The following FOXN4 variants were observed in gnomAD, a reference collection of about 807,000 sequenced individuals.
The protein encoded by FOXN4 is forkhead box protein N4.
Under a neutral mutation model 45.0 loss-of-function variants are expected in FOXN4, and 12 were observed. That is an observed-to-expected ratio of 0.27 (90% CI 0.17 to 0.43). The LOEUF (loss-of-function observed/expected upper bound fraction) is 0.43, where lower values mean the gene tolerates loss of function less well. Ranked by LOEUF, FOXN4 falls within the 20% of genes least tolerant of loss-of-function variation. FOXN4 has a pLI of 1.00. For synonymous variants in FOXN4, 297 were observed against 295.0 expected, an observed-to-expected ratio of 1.01 and a Z score of -0.07; for missense variants, 560 against 694.9, an observed-to-expected ratio of 0.81 and a Z score of 2.18.
At position 109,288,044 on chromosome 12, in the gene FOXN4, A is replaced by G; in HGVS notation, c.357+12T>C. The G allele has an allele frequency of 2.6e-6, 4 of 1,550,430 alleles. No individual in the cohort carries two copies. Among genetic ancestry groups the G allele is most frequent in the Non-Finnish European group, 3.5e-6 (4 of 1,146,760 alleles). ...ACTACCCGCCCTCCGCAGTCCATGC[A>G]GTGCCACTTACGCTGTCTCTGTGGC... On this transcript the variant is annotated intron_variant, in intron 4 of 9. Transcript: ENST00000299162. The surrounding 1 kb of genome is among the most constrained non-coding windows in gnomAD (Gnocchi z 4.3).
In FOXN4 at chr12:109,280,017, C is replaced by T. The variant is rs939780707; in HGVS notation, c.1295-87G>A. The stretch of plus-strand genomic sequence containing the variant: ...CCCCATCTTAGGGAAGAGGCAGAGA[C>T]CATGTGTGGTGTCTAAGTCATGTGT... On this transcript the variant is annotated intron_variant, in intron 9 of 9. Coordinates refer to ENST00000299162, the MANE Select transcript of FOXN4 (RefSeq NM_213596.3). 2.1e-5 allele frequency: 33 copies of T among 1,557,062 alleles called. 1 individual carries two copies. The South Asian group carries it at 3.9e-4, about 18-fold the overall frequency.
Position 109,290,293 on chromosome 12 carries a change from A to G in FOXN4, c.87-7T>C. The G allele has an allele frequency of 6.5e-7, 1 of 1,539,930 alleles. No individual in the cohort carries two copies. Among genetic ancestry groups the G allele is most frequent in the Non-Finnish European group, 8.8e-7 (1 of 1,139,496 alleles). On this transcript the variant is annotated splice_polypyrimidine_tract_variant and splice_region_variant and intron_variant, in intron 2 of 9. Transcript: ENST00000299162. This position sits in a 1 kb window ranked among gnomAD's most constrained non-coding sequence, Gnocchi z 5.1. The stretch of plus-strand genomic sequence containing the variant: ...GCTGGTGGTGGCTAGAAGCCTGCAA[A>G]GAGGAACAGAGAACTCGGGCGGGAG...
At chr12:109,285,567 G>A (rs557361505) in intron 7 of FOXN4, 56 bp from the exon 8 acceptor site, 12 of 1,592,086 alleles carry the variant, frequency 7.5e-6, no homozygotes, top group African/African-American at 1.3e-5. Context: ...CCCCTACCCC[G>A]GGGATCTCCT....
chr12:109,299,183 C>T (rs532314320), intron 2 of FOXN4, among the ~76,000 whole-genome samples: 6 of 152,264 alleles, frequency 3.9e-5, no homozygotes, highest in Admixed American at 6.5e-5. Flanking sequence ...CTATCTGGTG[C>T]TCCAGAGTCT....
At chr12:109,307,886 G>A (rs2047935791) in intron 2 of FOXN4, among the ~76,000 whole-genome samples, 2 of 152,016 alleles carry the variant, frequency 1.3e-5, no homozygotes, top group African/African-American at 4.8e-5. Context: ...TTTTTGGCAG[G>A]GGGTGGGGGA....
At chr12:109,299,653 C>T (rs1463402644) in intron 2 of FOXN4, among the ~76,000 whole-genome samples, 1 of 152,214 alleles carries the variant, frequency 6.6e-6, no homozygotes, top group Non-Finnish European at 1.5e-5. Flanking sequence ...AGGGTTGGGT[C>T]CCCTTTTGAA....
intron 1 of FOXN4, 72 bp from the exon 2 acceptor site, chr12:109,308,396 T>C (rs1289043007): frequency 1.9e-6 from 2 of 1,027,586 alleles, no homozygotes; most frequent in Non-Finnish European, 2.8e-6. Context: ...CCCACAGTTT[T>C]CCCGCAATTC....
At chr12:109,280,380 A>G (rs1483686409) in intron 9 of FOXN4, among the ~76,000 whole-genome samples, 1 of 148,500 alleles carries the variant, frequency 6.7e-6, no homozygotes, top group Non-Finnish European at 1.5e-5. Context: ...TGGAAGGGCC[A>G]GAGTCGCAGC....
At chr12:109,295,331 G>C (rs1236626491) in intron 2 of FOXN4, among the ~76,000 whole-genome samples, 3 of 152,220 alleles carry the variant, frequency 2.0e-5, no homozygotes, top group Non-Finnish European at 2.9e-5. Context: ...ACTGCCCTGG[G>C]CTCTCCTCCC....
rs2047738344 is a variant in FOXN4, at chr12:109,288,638, G to T, written c.233-458C>A. Reference sequence around the variant, plus strand: ...CTAGGTTTAGGTCCAAAGTACCTTTGTGCCTCCTCTCCCCTTTGCCAAGCC... The same window carrying T: ...CTAGGTTTAGGTCCAAAGTACCTTTTTGCCTCCTCTCCCCTTTGCCAAGCC... On this transcript the variant is annotated intron_variant, in intron 3 of 9. Coordinates refer to ENST00000299162, the MANE Select transcript of FOXN4 (RefSeq NM_213596.3). The surrounding 1 kb of genome is among the most constrained non-coding windows in gnomAD (Gnocchi z 4.3). Among the ~76,000 whole-genome samples the T allele has an allele frequency of 6.6e-6, 1 of 152,146 alleles. No homozygotes were observed. Among genetic ancestry groups the T allele is most frequent in the Non-Finnish European group, 1.5e-5 (1 of 68,040 alleles).
intron 8 of FOXN4, among the ~76,000 whole-genome samples, 173 bp downstream of exon 8, chr12:109,285,131 C>CGTGTGCGTGTATTTGTGT (rs1341931120): frequency 4.4e-5 from 6 of 137,784 alleles, no homozygotes; most frequent in East Asian, 4.5e-4. Flanking sequence ...CTTCTGTGTG[C>CGTGTGCGTGTATTTGTGT]GTGTGCGTGT....
intron 8 of FOXN4, 165 bp downstream of exon 8, chr12:109,285,139 T>C (rs2047694360): frequency 3.5e-6 from 1 of 289,584 alleles, no homozygotes; most frequent in African/African-American, 2.3e-5. Context: ...TGCGTGTGCG[T>C]GTATTTGTGT....
rs779861244 is a variant in FOXN4, at chr12:109,285,408, C to T, written c.797G>A (p.Cys266Tyr). 5.6e-6 allele frequency: 9 copies of T among 1,613,934 alleles called. No individual in the cohort carries two copies. The Admixed American group carries it at 1.3e-4, about 24-fold the overall frequency. ...GCGGGCCAGGTTCAGAGCCCACAGG[C>T]AGCCCTTGCGGGAGGAGCCGCTCAT... ...NKMSGSSRKGCLWALNLARID... is the reference protein window; with the variant it reads ...NKMSGSSRKGYLWALNLARID... Residue 266 changes from cysteine (C) to tyrosine (Y), a missense_variant, in exon 8 of 10, where the codon TGC becomes TAC. Around this residue, in one of 5 missense-constraint regions of FOXN4, gnomAD observed 315 missense variants for 350.5 expected, o/e 0.90. Transcript: ENST00000299162.
At chr12:109,285,055 G>A (rs778962897) in intron 8 of FOXN4, among the ~76,000 whole-genome samples, 6 of 149,764 alleles carry the variant, frequency 4.0e-5, no homozygotes, top group Non-Finnish European at 5.9e-5. Flanking sequence ...GTGTGTGCGC[G>A]CATGTGTGCA....
At position 109,287,640 on chromosome 12, in the gene FOXN4, G is replaced by A. The variant is rs1283630117; in HGVS notation, c.469-116C>T. 4.5e-6 allele frequency: 6 copies of A among 1,346,638 alleles called. No homozygotes were observed. The highest frequency in any genetic ancestry group is 4.0e-6 in the Non-Finnish European group (4 of 1,006,414). The allele number at this position is 1,346,638 out of a possible 1,614,324, so 83.4% of individuals were successfully genotyped here. ...CCAGTTTCAAAACACCTTGTGTGGG[G>A]ATTCACAACCGTCCAGGAAACAATC... On this transcript the variant is annotated intron_variant, in intron 5 of 9. Coordinates refer to ENST00000299162, the MANE Select transcript of FOXN4 (RefSeq NM_213596.3). This position sits in a 1 kb window ranked among gnomAD's most constrained non-coding sequence, Gnocchi z 4.1.
rs140640759 is a variant in FOXN4 at position 109,309,181 on chromosome 12, G to A, written c.-66C>T. ...TCCGGGGGTGGGCAGGGGTTCCGGA[G>A]GGGGGCTCCCTCGCGCTCGCCCCTC... On this transcript the variant is annotated 5_prime_UTR_variant, in exon 1 of 10. Transcript: ENST00000299162. This position sits in a 1 kb window ranked among gnomAD's most constrained non-coding sequence, Gnocchi z 5.0. The A allele has an allele frequency of 5.1e-3, 772 of 152,472 alleles. 10 individuals carry two copies. Among genetic ancestry groups the A allele is most frequent in the South Asian group, 0.018 (87 of 4,832 alleles). The allele number at this position is 152,472 out of a possible 1,614,324, so 9.4% of individuals were successfully genotyped here.
At chr12:109,295,850 C>T (rs1185303895) in intron 2 of FOXN4, among the ~76,000 whole-genome samples, 1 of 152,174 alleles carries the variant, frequency 6.6e-6, no homozygotes, top group African/African-American at 2.4e-5. Context: ...TCTCTGACTC[C>T]CCTTCTCTCT....
In FOXN4 at chr12:109,286,658, G is replaced by A. The variant is rs1565999178; in HGVS notation, c.683C>T (p.Pro228Leu). 2 of 1,609,384 alleles carry A rather than the reference G, an allele frequency of 1.2e-6. No homozygotes were observed. The highest frequency in any genetic ancestry group is 2.2e-5 in the East Asian group (1 of 44,808). ...TAGCTTGGGACTCACCTTGAAGTAG[G>A]GGAAGTGCTCCTTCATGAAGCTGTA... ...EIYSFMKEHF[P>L]YFKTAPDGWK... Residue 228 changes from proline to leucine, a missense_variant, in exon 7 of 10, where the codon CCC becomes CTC. This residue lies in a region of FOXN4 where 39 missense variants were observed against 81.7 expected (regional missense o/e 0.48). Coordinates refer to ENST00000299162, the MANE Select transcript of FOXN4 (RefSeq NM_213596.3).
chr12:109,287,313 G>C lies in FOXN4; in HGVS notation c.596+84C>G. 1 of 1,511,140 alleles carries C rather than the reference G, an allele frequency of 6.6e-7. No homozygotes were observed. The highest frequency in any genetic ancestry group is 2.5e-5 in the East Asian group (1 of 40,536). The allele number at this position is 1,511,140 out of a possible 1,614,324, so 93.6% of individuals were successfully genotyped here. On this transcript the variant is annotated intron_variant, in intron 6 of 9. Coordinates refer to ENST00000299162, the MANE Select transcript of FOXN4 (RefSeq NM_213596.3). This position sits in a 1 kb window ranked among gnomAD's most constrained non-coding sequence, Gnocchi z 4.1. ...CTTGGAAGTCTGGGCTGCCACACTA[G>C]CTGTCTGAGATGCCCTGAGGGCAGC...
Sources: gnomAD v4.1 joint callset for allele counts (sites outside exome capture counted in the v4.1 genomes callset) on GRCh38, gnomAD v4.1.1 for gene constraint, gnomAD v4.1.1 regional missense constraint, Gnocchi (gnomAD v3.1) non-coding constraint, MANE v1.5 for transcripts, NCBI Gene and HGNC (gene_info 2026-07-23, HGNC 2026-07-21) for gene names.